ZNF85: variants seen among roughly 807,000 people sequenced by gnomAD.
The protein encoded by ZNF85 is zinc finger protein 85, also known as zinc finger protein 85 (HPF4, HTF1).
In ZNF85, 50 loss-of-function variants were observed where a neutral mutation model predicts 53.9. The observed-to-expected ratio is 0.93, with a 90% CI of 0.74 to 1.17. The LOEUF (loss-of-function observed/expected upper bound fraction) is 1.17, where lower values mean the gene tolerates loss of function less well. ZNF85 is among the 50% of genes most tolerant of loss of function. The pLI, the probability that ZNF85 is intolerant of heterozygous loss-of-function variation, is 0.00. For missense variants in ZNF85, 747 were observed against 688.5 expected (o/e 1.08, Z -0.95); for synonymous variants, 225 against 226.1 (o/e 1.00, Z 0.04).
At chr19:20,932,256 G>T (rs1452416140) in intron 1 of ZNF85, among the ~76,000 whole-genome samples, 1 of 152,178 alleles carries the variant, frequency 6.6e-6, no homozygotes, top group Non-Finnish European at 1.5e-5. Context: ...ACATGTCTCA[G>T]ATCAAGAGCT....
Position 20,948,748 on chromosome 19 carries a change from G to T in ZNF85, c.234G>T (p.Met78Ile). Residue 78 changes from methionine to isoleucine, a missense_variant, in exon 4 of 4, where the codon ATG (methionine) becomes ATT (isoleucine). Coordinates refer to ENST00000328178, the MANE Select transcript of ZNF85 (RefSeq NM_003429.5). The stretch of plus-strand genomic sequence containing the variant: ...TGTCATTTTTGTTTCTTTCAGTTAT[G>T]TGTTCTCATTTTGCCCAAGACCTTT... ...HEIMVAKPTV[M>I]CSHFAQDLWP... The T allele has an allele frequency of 6.5e-7, 1 of 1,543,272 alleles. No individual in the cohort carries two copies. The highest frequency in any genetic ancestry group is 8.7e-7 in the Non-Finnish European group (1 of 1,148,756).
intron 1 of ZNF85, among the ~76,000 whole-genome samples, chr19:20,931,064 T>C (rs1973006359): frequency 6.6e-6 from 1 of 151,980 alleles, no homozygotes; most frequent in Admixed American, 6.6e-5. Flanking sequence ...CATGAGCCAC[T>C]GCGCCTGGCA....
intron 3 of ZNF85, among the ~76,000 whole-genome samples, chr19:20,946,592 A>ACACACACACACACACACACACC (rs367859040): frequency 2.0e-5 from 3 of 151,432 alleles, no homozygotes; most frequent in African/African-American, 7.3e-5. Context: ...ACACACACAC[A>ACACACACACACACACACACACC]CCCCACAAAT....
chr19:20,940,118 A>C (rs952030403), intron 3 of ZNF85, among the ~76,000 whole-genome samples: 1 of 151,152 alleles, frequency 6.6e-6, no homozygotes, highest in Non-Finnish European at 1.5e-5. Context: ...AAAAAAAAAC[A>C]CTTTGTGATA....
At chr19:20,941,510 G>A (rs113391686) in intron 3 of ZNF85, among the ~76,000 whole-genome samples, 1,861 of 152,234 alleles carry the variant, frequency 0.012, 35 homozygotes, top group African/African-American at 0.035. Context: ...TGATCCACCC[G>A]TCTCAGCCTC....
Position 20,947,488 on chromosome 19 carries a change from C to CTTTTTTTTTTTTTTT in ZNF85, c.230-1241_230-1227dup, listed in dbSNP as rs768097517. 3.9e-5 allele frequency among the ~76,000 whole-genome samples: 2 copies of CTTTTTTTTTTTTTTT among 51,634 alleles called. 1 individual carries two copies. Among genetic ancestry groups the CTTTTTTTTTTTTTTT allele is most frequent in the African/African-American group, 1.7e-4 (2 of 11,926 alleles). The allele number at this position is 51,634 out of a possible 152,430, so 33.9% of individuals were successfully genotyped here. A position where few individuals can be genotyped will look rare whatever the true frequency, so the allele number is the denominator to read the frequency against. ...GTAGGGCATATGCAGTGCCAATACA[C>CTTTTTTTTTTTTTTT]TTTTTTTTTTTTTTTTTTTTTTTTT... is the stretch of plus-strand genomic sequence containing the variant. On this transcript the variant is annotated intron_variant, in intron 3 of 3. Coordinates refer to ENST00000328178, the MANE Select transcript of ZNF85 (RefSeq NM_003429.5).
chr19:20,923,588 G>A (rs984444955), intron 1 of ZNF85, among the ~76,000 whole-genome samples, 185 bp downstream of exon 1: 3 of 152,172 alleles, frequency 2.0e-5, no homozygotes, highest in Admixed American at 1.3e-4. Context: ...GCCGGCCCGG[G>A]CGTCCTGTCT....
At chr19:20,933,728 A>C (rs759780902) in intron 1 of ZNF85, among the ~76,000 whole-genome samples, 6 of 152,196 alleles carry the variant, frequency 3.9e-5, no homozygotes, top group Non-Finnish European at 8.8e-5. Flanking sequence ...TTATGCCCTT[A>C]ATTTTATACT....
intron 3 of ZNF85, among the ~76,000 whole-genome samples, chr19:20,938,636 A>G (rs992193772): frequency 4.6e-5 from 7 of 152,208 alleles, no homozygotes; most frequent in Non-Finnish European, 1.0e-4. Flanking sequence ...TTAGAACAAT[A>G]TGCTAGAATT....
intron 2 of ZNF85, 143 bp downstream of exon 2, chr19:20,934,293 A>G: frequency 1.7e-6 from 2 of 1,185,968 alleles, no homozygotes; most frequent in Non-Finnish European, 1.2e-6. Context: ...GGATTAATAC[A>G]TGTAGAAAAG....
At position 20,948,769 on chromosome 19, in the gene ZNF85, C is replaced by T. The variant is rs1021391602; in HGVS notation, c.255C>T (p.Asp85=). Residue 85 remains aspartate (D), a synonymous_variant, in exon 4 of 4, where the codon GAC becomes GAT. Transcript: ENST00000328178. The part of the protein sequence containing the change: ...PTVMCSHFAQ[D]LWPEQNIKDS... The stretch of plus-strand genomic sequence containing the variant: ...TTATGTGTTCTCATTTTGCCCAAGA[C>T]CTTTGGCCGGAGCAGAATATAAAAG... The T allele has an allele frequency of 6.3e-7, 1 of 1,581,754 alleles. No individual in the cohort carries two copies. The highest frequency in any genetic ancestry group is 8.6e-7 in the Non-Finnish European group (1 of 1,165,910).
chr19:20,942,712 G>T (rs1599443081), intron 3 of ZNF85: 2 of 603,152 alleles, frequency 3.3e-6, no homozygotes, highest in Non-Finnish European at 6.0e-6. Context: ...ATTCCTAGTT[G>T]CATTCAGTTT....
chr19:20,932,954 TAAGGCAGGCAGATCAC>T (rs1051665048), intron 1 of ZNF85, among the ~76,000 whole-genome samples: 1 of 151,224 alleles, frequency 6.6e-6, no homozygotes, highest in Non-Finnish European at 1.5e-5. Context: ...TTTGGGAGGC[TAAGGCAGGCAGATCAC>T]AAGGTCAGGA....
intron 3 of ZNF85, among the ~76,000 whole-genome samples, chr19:20,947,912 A>G (rs1249148606): frequency 6.6e-6 from 1 of 151,850 alleles, no homozygotes; most frequent in Non-Finnish European, 1.5e-5. Context: ...ACTAATTTGT[A>G]TATCTTTATT....
At chr19:20,947,560 G>A (rs927818334) in intron 3 of ZNF85, among the ~76,000 whole-genome samples, 26 of 115,060 alleles carry the variant, frequency 2.3e-4, no homozygotes, top group African/African-American at 7.5e-4. Context: ...TTCCCTTCTC[G>A]CTTGCAAAAT....
chr19:20,926,577 G>A (rs939386843), intron 1 of ZNF85, among the ~76,000 whole-genome samples: 3 of 107,254 alleles, frequency 2.8e-5, no homozygotes, highest in Non-Finnish European at 4.3e-5. Context: ...GGCTAATATT[G>A]AGCCTACAAA....
Position 20,934,989 on chromosome 19 carries a change from G to C in ZNF85, c.171G>C (p.Glu57Asp). The C allele has an allele frequency of 6.2e-7, 1 of 1,611,594 alleles. No individual in the cohort carries two copies. ...AGCCAGACCTGATCACTTGTCTGGA[G>C]CAAGGGAAAGAGGCCTGGAGTATGA... ...VSKPDLITCL[E>D]QGKEAWSMKR... The change falls in exon 3 of 4, where the codon GAG becomes GAC. Residue 57 changes from glutamate to aspartate, a missense_variant. Glu to Asp is a conservative substitution (Grantham distance 45). Transcript: ENST00000328178.
chr19:20,948,755 C>T lies in ZNF85; in HGVS notation c.241C>T (p.His81Tyr), dbSNP rs1477865773. 2 of 1,555,572 alleles carry T rather than the reference C, an allele frequency of 1.3e-6. No homozygotes were observed. Among genetic ancestry groups the T allele is most frequent in the South Asian group, 1.3e-5 (1 of 78,880 alleles). ...MVAKPTVMCSHFAQDLWPEQN... is the reference protein window; with the variant it reads ...MVAKPTVMCSYFAQDLWPEQN... ...TTTGTTTCTTTCAGTTATGTGTTCT[C>T]ATTTTGCCCAAGACCTTTGGCCGGA... The change falls in exon 4 of 4, where the codon CAT becomes TAT. Residue 81 changes from histidine (H) to tyrosine (Y), a missense_variant. By Grantham distance (83) the His-to-Tyr change is moderately conservative. Transcript: ENST00000328178.
intron 3 of ZNF85, among the ~76,000 whole-genome samples, chr19:20,941,594 T>A (rs1006555546): frequency 6.6e-6 from 1 of 152,242 alleles, no homozygotes; most frequent in Non-Finnish European, 1.5e-5. Flanking sequence ...TTCCCATTTG[T>A]GTATTCTTTT....
Sources: gnomAD v4.1 joint callset for allele counts (sites outside exome capture counted in the v4.1 genomes callset) on GRCh38, gnomAD v4.1.1 for gene constraint, MANE v1.5 for transcripts, NCBI Gene and HGNC (gene_info 2026-07-23, HGNC 2026-07-21) for gene names.